Variants in ZFHX3 observed in about 807,000 individuals in gnomAD.
ZFHX3 encodes zinc finger homeobox 3.
Under a neutral mutation model 279.1 loss-of-function variants are expected in ZFHX3, and 42 were observed. The ratio of observed to expected loss-of-function variants is 0.15; its 90% CI spans 0.12 to 0.19. The LOEUF is 0.19. ZFHX3 is among the 10% of genes least tolerant of loss of function. The probability of loss-of-function intolerance (pLI) is 1.00; values close to 1 mark genes in which losing one functional copy is unlikely to be tolerated. For synonymous variants in ZFHX3, 2,293 were observed against 1,957.8 expected, an observed-to-expected ratio of 1.17 and a Z score of -4.52; for missense variants, 4,981 against 4,754.0, an observed-to-expected ratio of 1.05 and a Z score of -1.40.
intron 5 of ZFHX3, among the ~76,000 whole-genome samples, chr16:73,209,476 G>A (rs2011932219): frequency 6.6e-6 from 1 of 152,142 alleles, no homozygotes. Flanking sequence ...TTTTATAGAG[G>A]AGAGGAATGC....
chr16:73,182,931 G>A (rs1204543039), intron 5 of ZFHX3, among the ~76,000 whole-genome samples: 3 of 152,202 alleles, frequency 2.0e-5, no homozygotes, highest in Non-Finnish European at 1.5e-5. Context: ...GGGGCCGGGC[G>A]TGGTGGCTCA....
At chr16:73,153,769 C>G (rs570020877) in intron 5 of ZFHX3, among the ~76,000 whole-genome samples, 4 of 152,152 alleles carry the variant, frequency 2.6e-5, no homozygotes, top group Non-Finnish European at 5.9e-5. Flanking sequence ...CCTGCCTCAG[C>G]CTCCTGAGTA....
At chr16:72,899,334 G>A (rs1298717617) in intron 3 of ZFHX3, among the ~76,000 whole-genome samples, 2 of 152,026 alleles carry the variant, frequency 1.3e-5, no homozygotes, top group Non-Finnish European at 1.5e-5. Flanking sequence ...GAGATCTGAT[G>A]GTTTTATAAA....
chr16:72,897,938 G>A (rs2038938193), intron 3 of ZFHX3, among the ~76,000 whole-genome samples: 1 of 152,184 alleles, frequency 6.6e-6, no homozygotes, highest in Non-Finnish European at 1.5e-5. Context: ...TGCACAGACT[G>A]CAGGGGGTTC....
At chr16:73,197,998 C>T (rs1405975738) in intron 5 of ZFHX3, among the ~76,000 whole-genome samples, 2 of 123,398 alleles carry the variant, frequency 1.6e-5, no homozygotes, top group Non-Finnish European at 3.2e-5. Context: ...AGTGCAGTGG[C>T]ACGATCTCGG....
In ZFHX3 at chr16:73,647,335, C is replaced by G. The variant is rs1001702995; in HGVS notation, c.-1547+32845G>C. 3.0e-4 allele frequency among the ~76,000 whole-genome samples: 46 copies of G among 152,178 alleles called. 1 individual carries two copies. Among genetic ancestry groups the G allele is most frequent in the African/African-American group, 1.1e-3 (44 of 41,512 alleles). ...TATAGTTTGCATTTGTGTCTCCACC[C>G]AAATCTCATGGCAGATTGGAGCAGG... On this transcript the variant is annotated intron_variant, in intron 2 of 17. Coordinates refer to the ZFHX3 transcript ENST00000641206.
chr16:73,694,476 TG>T (rs2053177219), intron 1 of ZFHX3, among the ~76,000 whole-genome samples: 2 of 152,038 alleles, frequency 1.3e-5, no homozygotes, highest in Admixed American at 1.3e-4. Flanking sequence ...CCTGAGTAGC[TG>T]GGGCTACAGA....
intron 5 of ZFHX3, among the ~76,000 whole-genome samples, chr16:73,171,128 T>G (rs1253061933): frequency 1.3e-5 from 2 of 152,160 alleles, no homozygotes; most frequent in Non-Finnish European, 2.9e-5. Context: ...GGATGCTGTA[T>G]TTTTGCACTT....
At chr16:73,598,983 G>C (rs2052082086) in intron 2 of ZFHX3, among the ~76,000 whole-genome samples, 1 of 152,114 alleles carries the variant, frequency 6.6e-6, no homozygotes, top group South Asian at 2.1e-4. Flanking sequence ...GGCTGGTCTT[G>C]AACTCCTGAC....
chr16:73,449,791 C>A (rs2018251586), intron 3 of ZFHX3, among the ~76,000 whole-genome samples: 1 of 152,102 alleles, frequency 6.6e-6, no homozygotes, highest in Admixed American at 6.6e-5. Context: ...TTGTCTAATA[C>A]TGAAGCATGA....
rs182252695 is a variant in ZFHX3 at position 73,513,297 on chromosome 16, G to T, written c.-1546-57039C>A. 1.0e-3 allele frequency among the ~76,000 whole-genome samples: 152 copies of T among 152,286 alleles called. No homozygotes were observed. In the East Asian group the frequency reaches 0.02, roughly 20 times the overall value. ...ATTAGAGCCCTTGAGTCATAAAGTT[G>T]AGTAGGCAAACCTATATATCATCAT... On this transcript the variant is annotated intron_variant, in intron 2 of 17. Transcript: ENST00000641206.
rs780620748 is a variant in ZFHX3 at position 72,796,394 on chromosome 16, G to C, written c.6288C>G (p.Ile2096Met). 6.2e-7 allele frequency: 1 copy of C among 1,613,258 alleles called. No individual in the cohort carries two copies. Among genetic ancestry groups the C allele is most frequent in the East Asian group, 2.2e-5 (1 of 44,838 alleles). The change falls in exon 9 of 10, where the codon ATC (isoleucine) becomes ATG (methionine). Residue 2096 changes from isoleucine (I) to methionine (M), a missense_variant. By Grantham distance (10) the Ile-to-Met change is conservative (BLOSUM62 1). Around this residue, in one of 7 missense-constraint regions of ZFHX3, gnomAD observed 1,751 missense variants for 1,770.0 expected, o/e 0.99. Coordinates refer to ENST00000268489, the MANE Select transcript of ZFHX3 (RefSeq NM_006885.4). ...TCGTCTGCATCATCAGCGGCGAGAAGATGGGCAGCTCCATCGGCATGGAGA... is the reference window on the plus strand; with the variant it reads ...TCGTCTGCATCATCAGCGGCGAGAACATGGGCAGCTCCATCGGCATGGAGA... ...TQLSMPMELP[I>M]FSPLMMQTMP...
intron 2 of ZFHX3, among the ~76,000 whole-genome samples, chr16:73,673,078 C>A (rs1467927946): frequency 6.6e-6 from 1 of 151,984 alleles, no homozygotes; most frequent in Non-Finnish European, 1.5e-5. Context: ...TTATAATACT[C>A]AAAAATTAGA....
In ZFHX3 at chr16:72,787,251, C is replaced by A; in HGVS notation, c.11025G>T (p.Pro3675=). ...CTTTGGGACCCTCCACCGGGCTCGC[C>A]GGTCCGTCGGACTTTTGGCTGAGAT... is the stretch of plus-strand genomic sequence containing the variant. ...DTDLSQKSDG[P]ASPVEGPKDP... Residue 3675 remains proline (P), a synonymous_variant, in exon 10 of 10, where the codon CCG becomes CCT. Transcript: ENST00000268489. The A allele has an allele frequency of 6.2e-7, 1 of 1,614,052 alleles. No individual in the cohort carries two copies. The highest frequency in any genetic ancestry group is 8.5e-7 in the Non-Finnish European group (1 of 1,180,014).
At chr16:73,403,341 G>A (rs984592354) in intron 3 of ZFHX3, among the ~76,000 whole-genome samples, 3 of 152,222 alleles carry the variant, frequency 2.0e-5, no homozygotes, top group South Asian at 2.1e-4. Context: ...GCAGGGGTTC[G>A]TTAAGTGACT....
chr16:73,151,700 G>T (rs886289055), intron 5 of ZFHX3, among the ~76,000 whole-genome samples: 20 of 152,222 alleles, frequency 1.3e-4, no homozygotes, highest in African/African-American at 3.4e-4. Context: ...ACGAAGTAGA[G>T]TTGGAGATCT....
intron 1 of ZFHX3, among the ~76,000 whole-genome samples, chr16:73,011,343 C>T (rs548696846): frequency 2.0e-5 from 3 of 151,704 alleles, no homozygotes; most frequent in South Asian, 2.1e-4. Context: ...TGTTGCCCAG[C>T]GTGGTCTCAA....
chr16:72,878,888 C>T lies in ZFHX3; in HGVS notation c.3448+10843G>A, dbSNP rs574977684. On this transcript the variant is annotated intron_variant, in intron 4 of 9. Coordinates refer to ENST00000268489, the MANE Select transcript of ZFHX3 (RefSeq NM_006885.4). ...CATCCAATACAGCAGCCACTAGCCA[C>T]ATGGCACTGAGACAGATGGGCCGCT... Among the ~76,000 whole-genome samples the T allele has an allele frequency of 2.0e-5, 3 of 152,318 alleles. No homozygotes were observed. In the East Asian group the frequency reaches 5.8e-4, roughly 29 times the overall value.
At chr16:73,138,582 T>C (rs1966832471) in intron 6 of ZFHX3, among the ~76,000 whole-genome samples, 2 of 152,100 alleles carry the variant, frequency 1.3e-5, no homozygotes, top group African/African-American at 2.4e-5. Context: ...TCTCTTACCC[T>C]CCACTCCCCA....
Sources: allele counts gnomAD v4.1 joint callset (sites outside exome capture counted in the v4.1 genomes callset), GRCh38; gene constraint gnomAD v4.1.1; regional missense constraint gnomAD v4.1.1; transcripts MANE v1.5; gene names NCBI Gene and HGNC (gene_info 2026-07-23, HGNC 2026-07-21).